Variants in C3orf18 observed in about 807,000 individuals in gnomAD.
C3orf18 encodes uncharacterized protein C3orf18.
In C3orf18, 12 loss-of-function variants were observed where a neutral mutation model predicts 14.1. The observed-to-expected ratio is 0.85, with a 90% CI of 0.55 to 1.38. The LOEUF is 1.38. Among genes scored for constraint, C3orf18 ranks in the 40% most tolerant of loss-of-function variants. The pLI is 0.00. For synonymous variants in C3orf18, 82 were observed against 87.9 expected (o/e 0.93, Z 0.38); for missense variants, 196 against 213.9 (o/e 0.92, Z 0.52).
At chr3:50,568,747 GA>G (rs1185750109), upstream of C3orf18, among the ~76,000 whole-genome samples, 40 of 126,344 alleles carry the variant, frequency 3.2e-4, no homozygotes, top group African/African-American at 9.4e-4. Flanking sequence ...AAAAAAAAAA[GA>G]AAAAAAGAAA....
At position 50,558,098 on chromosome 3, in the gene C3orf18, C is replaced by T. The variant is rs1351754642; in HGVS notation, c.*1559G>A. ...CTCTGGGTTAAATTACAGCTGTATG[C>T]ATCCTGAATTCCTGGCAGCCTCCAG... On this transcript the variant is annotated 3_prime_UTR_variant, in exon 6 of 6. Coordinates refer to ENST00000357203, the MANE Select transcript of C3orf18 (RefSeq NM_016210.5). The T allele has an allele frequency of 1.3e-5, 2 of 153,722 alleles. No individual in the cohort carries two copies. Among genetic ancestry groups the T allele is most frequent in the Admixed American group, 1.3e-4 (2 of 15,444 alleles). 9.5% of individuals were successfully genotyped at this position (153,722 alleles called of 1,614,324 possible). A position where few individuals can be genotyped will look rare whatever the true frequency, so the allele number is the denominator to read the frequency against.
At chr3:50,572,036 C>T (rs1701036364), upstream of C3orf18, 1 of 1,594,068 alleles carries the variant, frequency 6.3e-7, no homozygotes, top group African/African-American at 1.3e-5. Context: ...CCTTTGGCCA[C>T]AAGTGGTATC....
chr3:50,561,327 C>T lies in C3orf18; in HGVS notation c.261-263G>A, dbSNP rs898371774. Among the ~76,000 whole-genome samples the T allele has an allele frequency of 6.6e-5, 10 of 152,258 alleles. 1 individual carries two copies. The highest frequency in any genetic ancestry group is 4.1e-4 in the South Asian group (2 of 4,830). On this transcript the variant is annotated intron_variant, in intron 4 of 5. Transcript: ENST00000357203. ...AAGTAGCTGTCATCCATGGGCCCCA[C>T]AGAGATCACCTAGGCTAGGGCCTTG...
chr3:50,571,271 G>A, upstream of C3orf18: 3 of 1,613,098 alleles, frequency 1.9e-6, no homozygotes, highest in Non-Finnish European at 2.5e-6. Context: ...GAGAAGAGGG[G>A]TATCCCTGAG....
chr3:50,561,677 T>A (rs752809571), intron 4 of C3orf18, 45 bp downstream of exon 4: 1 of 1,601,436 alleles, frequency 6.2e-7, no homozygotes, highest in Admixed American at 1.7e-5. Flanking sequence ...GCACTCCCCA[T>A]GGCCTCAAGT....
intron 4 of C3orf18, 35 bp from the exon 5 acceptor site, chr3:50,561,099 C>A (rs1429372115): frequency 1.9e-6 from 3 of 1,601,518 alleles, no homozygotes; most frequent in Non-Finnish European, 1.7e-6. Flanking sequence ...GGGGACAGGG[C>A]AGGCCCTTCC....
Position 50,558,781 on chromosome 3 carries a change from A to T in C3orf18, c.*876T>A. 1 of 1,289,838 alleles carries T rather than the reference A, an allele frequency of 7.8e-7. No individual in the cohort carries two copies. The highest frequency in any genetic ancestry group is 1.2e-5 in the South Asian group (1 of 81,030). The allele number at this position is 1,289,838 out of a possible 1,614,324, so 79.9% of individuals were successfully genotyped here. A position where few individuals can be genotyped will look rare whatever the true frequency, so the allele number is the denominator to read the frequency against. On this transcript the variant is annotated 3_prime_UTR_variant, in exon 6 of 6. Transcript: ENST00000357203. ...CTTCCCTGCAGTCCCTGAAGATTGA[A>T]GGCAGAGAAGATAGCCTACCCTGAT...
Position 50,565,135 on chromosome 3 carries a change from C to T in C3orf18, c.234+331G>A, listed in dbSNP as rs901880730. On this transcript the variant is annotated intron_variant, in intron 3 of 5. Transcript: ENST00000357203. This position sits in a 1 kb window ranked among gnomAD's most constrained non-coding sequence, Gnocchi z 4.4. Reference sequence around the variant, plus strand: ...TAATCCCAGCACTTTGGGAGGCCAACGGGGGCAGATCACTTGAGGCCAGGA... The same window carrying T: ...TAATCCCAGCACTTTGGGAGGCCAATGGGGGCAGATCACTTGAGGCCAGGA... Among the ~76,000 whole-genome samples, 1 of 152,084 alleles carries T rather than the reference C, an allele frequency of 6.6e-6. No homozygotes were observed. The highest frequency in any genetic ancestry group is 6.6e-5 in the Admixed American group (1 of 15,256).
At chr3:50,573,043 C>A (rs992949483), upstream of C3orf18, among the ~76,000 whole-genome samples, 5 of 152,240 alleles carry the variant, frequency 3.3e-5, no homozygotes, top group Non-Finnish European at 5.9e-5. Context: ...CAGGGGGCCC[C>A]AAACCCTTCT....
chr3:50,559,068 C>T lies in C3orf18; in HGVS notation c.*589G>A, dbSNP rs539875167. ...TGGGTGGCTGGGAGACCTCCTGGAC[C>T]CTCCGTAGTATGGATGGACCCTGGG... is the stretch of plus-strand genomic sequence containing the variant. On this transcript the variant is annotated 3_prime_UTR_variant, in exon 6 of 6. Transcript: ENST00000357203. The T allele has an allele frequency of 1.4e-4, 177 of 1,289,818 alleles. 3 individuals are homozygous for T. In the South Asian group the frequency reaches 1.9e-3, roughly 14 times the overall value. 79.9% of individuals were successfully genotyped at this position (1,289,818 alleles called of 1,614,324 possible).
upstream of C3orf18, chr3:50,569,487 G>A (rs1471273042): frequency 6.6e-6 from 1 of 152,162 alleles, no homozygotes; most frequent in Admixed American, 6.6e-5. Flanking sequence ...GGCGTCCGAG[G>A]GAGCGCGCGA....
chr3:50,571,354 A>G, upstream of C3orf18: 1 of 1,529,190 alleles, frequency 6.5e-7, no homozygotes, highest in African/African-American at 1.4e-5. Flanking sequence ...TGTTGTCAAG[A>G]GGACAGGAAG....
At chr3:50,561,638 T>C in intron 4 of C3orf18, 84 bp downstream of exon 4, 1 of 1,385,928 alleles carries the variant, frequency 7.2e-7, no homozygotes, top group Non-Finnish European at 1.0e-6. Context: ...TGATCAGCTT[T>C]TCACCCACTT....
At chr3:50,569,869 C>T (rs561001587), upstream of C3orf18, 2 of 151,666 alleles carry the variant, frequency 1.3e-5, no homozygotes, top group South Asian at 4.2e-4. Context: ...GAGTCTCTCT[C>T]TGGCACCCAG....
intron 3 of C3orf18, chr3:50,562,684 G>C (rs1026604959): frequency 4.3e-5 from 16 of 375,638 alleles, no homozygotes; most frequent in Non-Finnish European, 6.9e-5. Flanking sequence ...GGTGGTCTCC[G>C]GAGTTCCTAT....
In C3orf18 at chr3:50,559,252, G is replaced by C; in HGVS notation, c.*405C>G. On this transcript the variant is annotated 3_prime_UTR_variant, in exon 6 of 6. Transcript: ENST00000357203. The stretch of plus-strand genomic sequence containing the variant: ...AGGAGGCTCCAGATTCCAAAAAACA[G>C]GTCTCTCCCTAACAGAGGGAAACCT... 1 of 1,274,432 alleles carries C rather than the reference G, an allele frequency of 7.8e-7. No homozygotes were observed. Among genetic ancestry groups the C allele is most frequent in the South Asian group, 1.3e-5 (1 of 77,934 alleles). The allele number at this position is 1,274,432 out of a possible 1,614,324, so 78.9% of individuals were successfully genotyped here. A position where few individuals can be genotyped will look rare whatever the true frequency, so the allele number is the denominator to read the frequency against.
At chr3:50,562,011 T>C (rs201976418) in intron 3 of C3orf18, 7 of 593,458 alleles carry the variant, frequency 1.2e-5, no homozygotes, top group African/African-American at 1.9e-5. Context: ...GTGATTCTCC[T>C]GCCTAAGCCT....
chr3:50,570,980 G>A, upstream of C3orf18: 1 of 670,214 alleles, frequency 1.5e-6, no homozygotes, highest in South Asian at 2.1e-5. Context: ...GGGCACCAGA[G>A]CTTGTGACCT....
intron 5 of C3orf18, among the ~76,000 whole-genome samples, chr3:50,560,118 G>A (rs1274987551): frequency 2.6e-5 from 4 of 152,200 alleles, no homozygotes; most frequent in African/African-American, 7.2e-5. Flanking sequence ...TTCTCAGTGC[G>A]AGTTCCTGAA....
Sources: allele counts gnomAD v4.1 joint callset (sites outside exome capture counted in the v4.1 genomes callset), GRCh38; gene constraint gnomAD v4.1.1; non-coding constraint Gnocchi (gnomAD v3.1); transcripts MANE v1.5; gene names NCBI Gene and HGNC (gene_info 2026-07-23, HGNC 2026-07-21).